The following CHN2 variants were observed in gnomAD, a reference collection of about 807,000 sequenced individuals.
The protein encoded by CHN2 is chimerin 2.
CHN2 carries 35 observed loss-of-function variants against 56.3 expected under a neutral mutation model. That is an observed-to-expected ratio of 0.62 (90% CI 0.47 to 0.82). The LOEUF (loss-of-function observed/expected upper bound fraction) is 0.82, where lower values mean the gene tolerates loss of function less well. Among genes scored for constraint, CHN2 ranks in the 40% least tolerant of loss-of-function variants. The probability of loss-of-function intolerance (pLI) is 0.00; values close to 1 mark genes in which losing one functional copy is unlikely to be tolerated. For missense variants in CHN2, 491 were observed against 580.5 expected (o/e 0.85, Z 1.58); for synonymous variants, 210 against 212.8 (o/e 0.99, Z 0.12).
intron 1 of CHN2, among the ~76,000 whole-genome samples, chr7:29,301,720 T>C (rs1173135733): frequency 2.0e-5 from 3 of 152,144 alleles, no homozygotes; most frequent in Non-Finnish European, 4.4e-5. Flanking sequence ...CTTAAAAAAT[T>C]GCACTAAAAT....
chr7:29,379,945 A>G (rs1203226339), intron 3 of CHN2, among the ~76,000 whole-genome samples: 1 of 152,192 alleles, frequency 6.6e-6, no homozygotes, highest in Admixed American at 6.5e-5. Flanking sequence ...CTTGCTTCAG[A>G]AATGCTAAAG....
intron 2 of CHN2, among the ~76,000 whole-genome samples, chr7:29,157,216 C>A (rs1222888580): frequency 6.6e-6 from 1 of 152,196 alleles, no homozygotes; most frequent in African/African-American, 2.4e-5. Flanking sequence ...GCTACCCACA[C>A]CTCTGAGTGG....
intron 6 of CHN2, among the ~76,000 whole-genome samples, chr7:29,442,930 A>ATTTTTTTTTTTTTTTTTT (rs1238691449): frequency 2.0e-5 from 2 of 102,180 alleles, no homozygotes; most frequent in African/African-American, 5.0e-5. Context: ...ATTTCATTGA[A>ATTTTTTTTTTTTTTTTTT]TTTCTTTTTT....
At chr7:29,407,764 C>T (rs1163438147) in intron 6 of CHN2, among the ~76,000 whole-genome samples, 1 of 152,164 alleles carries the variant, frequency 6.6e-6, no homozygotes, top group Non-Finnish European at 1.5e-5. Context: ...CTGGGTTTTG[C>T]CAAGCATTGT....
chr7:29,210,948 C>T (rs140156913), intron 1 of CHN2, among the ~76,000 whole-genome samples: 2 of 152,002 alleles, frequency 1.3e-5, no homozygotes, highest in African/African-American at 4.8e-5. Context: ...GAGGAGGAGG[C>T]GGATCATGGA....
At chr7:29,170,217 A>G (rs1796423265) in intron 2 of CHN2, among the ~76,000 whole-genome samples, 2 of 152,140 alleles carry the variant, frequency 1.3e-5, no homozygotes, top group Non-Finnish European at 2.9e-5. Flanking sequence ...ATGTTTAACA[A>G]TAGATTGCTG....
intron 6 of CHN2, among the ~76,000 whole-genome samples, chr7:29,425,721 C>T (rs1393179059): frequency 1.3e-5 from 2 of 151,940 alleles, no homozygotes; most frequent in Non-Finnish European, 2.9e-5. Flanking sequence ...AAGGGAAGAT[C>T]AATACTGTAT....
chr7:29,439,442 C>T (rs1485123466), intron 6 of CHN2, among the ~76,000 whole-genome samples: 1 of 152,204 alleles, frequency 6.6e-6, no homozygotes, highest in Non-Finnish European at 1.5e-5. Flanking sequence ...GTCTGGTGTT[C>T]TCTGCCTGGG....
At chr7:29,162,426 C>A (rs1459552435) in intron 2 of CHN2, among the ~76,000 whole-genome samples, 1 of 152,076 alleles carries the variant, frequency 6.6e-6, no homozygotes, top group Non-Finnish European at 1.5e-5. Flanking sequence ...CTTTGGGAGG[C>A]CAAAGCGGGC....
At chr7:29,195,629 A>AGAGAGAGAGAGTGTGTGTGT (rs869037854) in intron 1 of CHN2, among the ~76,000 whole-genome samples, 21 of 117,558 alleles carry the variant, frequency 1.8e-4, no homozygotes, top group African/African-American at 6.8e-4. Context: ...AGAGAGAGAG[A>AGAGAGAGAGAGTGTGTGTGT]GTGTGTGTGT....
intron 2 of CHN2, among the ~76,000 whole-genome samples, chr7:29,172,473 A>G (rs1255130052): frequency 6.6e-6 from 1 of 152,226 alleles, no homozygotes; most frequent in Non-Finnish European, 1.5e-5. Context: ...ATCCAAAAAA[A>G]ATTATTAAAA....
intron 1 of CHN2, among the ~76,000 whole-genome samples, chr7:29,210,908 A>AAACAAG (rs772155106): frequency 1.0e-3 from 159 of 152,268 alleles, no homozygotes; most frequent in Non-Finnish European, 3.1e-4. Context: ...AGGCCAGTAG[A>AAACAAG]GTGAGAAAGG....
At chr7:29,227,379 G>C (rs889655408) in intron 1 of CHN2, among the ~76,000 whole-genome samples, 1 of 152,160 alleles carries the variant, frequency 6.6e-6, no homozygotes, top group Non-Finnish European at 1.5e-5. Flanking sequence ...AGGGATGGAC[G>C]TACTGAGTTC....
intron 3 of CHN2, 67 bp from the exon 4 acceptor site, chr7:29,393,612 A>T: frequency 1.4e-6 from 1 of 714,582 alleles, no homozygotes; most frequent in Non-Finnish European, 2.2e-6. Flanking sequence ...TGTTTATTTG[A>T]ATAGCATTTT....
intron 2 of CHN2, among the ~76,000 whole-genome samples, chr7:29,363,567 A>G (rs779049887): frequency 6.6e-6 from 1 of 152,246 alleles, no homozygotes; most frequent in Non-Finnish European, 1.5e-5. Context: ...GCACAGAACA[A>G]CATCCCTGCC....
intron 1 of CHN2, among the ~76,000 whole-genome samples, chr7:29,264,618 C>G (rs1237170251): frequency 6.6e-6 from 1 of 152,076 alleles, no homozygotes; most frequent in Non-Finnish European, 1.5e-5. Flanking sequence ...AGGCAGCATA[C>G]TCGTTAAGGG....
Position 29,300,489 on chromosome 7 carries a change from GCC to G in CHN2, c.50-54134_50-54133del. Among the ~76,000 whole-genome samples the G allele has an allele frequency of 1.3e-5, 2 of 152,214 alleles. 1 individual carries two copies. Among genetic ancestry groups the G allele is most frequent in the South Asian group, 4.2e-4 (2 of 4,814 alleles). On this transcript the variant is annotated intron_variant, in intron 1 of 12. Transcript: ENST00000222792. ...GAATGGACAATCTTGGGAAAACATT[GCC>G]CTTTTATATTTCTTCCCAATTTTGA...
intron 1 of CHN2, among the ~76,000 whole-genome samples, chr7:29,300,285 G>A (rs1417930324): frequency 1.3e-5 from 2 of 152,126 alleles, no homozygotes; most frequent in East Asian, 3.9e-4. Flanking sequence ...AAGCCTTCAG[G>A]GCATTTCAGA....
At chr7:29,252,177 A>T (rs918545985) in intron 1 of CHN2, among the ~76,000 whole-genome samples, 4 of 140,878 alleles carry the variant, frequency 2.8e-5, no homozygotes, top group African/African-American at 1.1e-4. Flanking sequence ...ACCACATAAG[A>T]TTATACAGGA....
Sources: gnomAD v4.1 joint callset for allele counts (sites outside exome capture counted in the v4.1 genomes callset) on GRCh38, gnomAD v4.1.1 for gene constraint, MANE v1.5 for transcripts, NCBI Gene and HGNC (gene_info 2026-07-23, HGNC 2026-07-21) for gene names.